IL22: variants seen among roughly 807,000 people sequenced by gnomAD.
IL22 encodes interleukin-22.
In IL22, 15 loss-of-function variants were observed where a neutral mutation model predicts 15.5. That is an observed-to-expected ratio of 0.97 (90% confidence interval 0.65 to 1.49). The LOEUF (loss-of-function observed/expected upper bound fraction) is 1.49. Among genes scored for constraint, IL22 ranks in the 40% most tolerant of loss-of-function variants. The pLI, the probability that IL22 is intolerant of heterozygous loss-of-function variation, is 0.00. For synonymous variants in IL22, 91 were observed against 82.0 expected, an observed-to-expected ratio of 1.11 and a Z score of -0.60; for missense variants, 225 against 215.4, an observed-to-expected ratio of 1.04 and a Z score of -0.28.
chr12:68,253,208 A>T, intron 2 of IL22, 55 bp downstream of exon 2: 1 of 1,466,688 alleles, frequency 6.8e-7, no homozygotes, highest in Non-Finnish European at 9.4e-7. Flanking sequence ...AAAGTTTAAG[A>T]ACTATTTGGA....
At position 68,248,729 on chromosome 12, in the gene IL22, T is replaced by C; in HGVS notation, c.*70A>G. The C allele has an allele frequency of 7.7e-7, 1 of 1,292,786 alleles. No homozygotes were observed. Among genetic ancestry groups the C allele is most frequent in the East Asian group, 2.4e-5 (1 of 42,522 alleles). 80.1% of individuals were successfully genotyped at this position (1,292,786 alleles called of 1,614,324 possible). On this transcript the variant is annotated 3_prime_UTR_variant, in exon 6 of 6. Transcript: ENST00000538666. ...CTTCCTTTTGGTTAAAAAAAATCGCTTTGGGGCATCTAATTGTTATTTCTA... is the reference window on the plus strand; with the variant it reads ...CTTCCTTTTGGTTAAAAAAAATCGCCTTGGGGCATCTAATTGTTATTTCTA...
At position 68,253,315 on chromosome 12, in the gene IL22, G is replaced by A. The variant is rs775833452; in HGVS notation, c.134C>T (p.Ser45Phe). The A allele has an allele frequency of 6.2e-7, 1 of 1,613,848 alleles. No individual in the cohort carries two copies. Reference protein sequence around the residue: ...PISSHCRLDKSNFQQPYITNR... With the variant: ...PISSHCRLDKFNFQQPYITNR... The stretch of plus-strand genomic sequence containing the variant: ...GGTGATATAGGGCTGCTGGAAGTTG[G>A]ACTTGTCAAGCCTGCAGTGGGAGCT... Residue 45 changes from serine to phenylalanine, a missense_variant, in exon 2 of 6, where the codon TCC becomes TTC. Physicochemically the swap from Ser to Phe is radical, Grantham distance 155 (BLOSUM62 -2). Coordinates refer to ENST00000538666, the MANE Select transcript of IL22 (RefSeq NM_020525.5).
At chr12:68,251,384 C>T (rs1334018683) in intron 5 of IL22, 129 bp downstream of exon 5, 1 of 712,934 alleles carries the variant, frequency 1.4e-6, no homozygotes, top group South Asian at 1.6e-5. Flanking sequence ...ACACAGACAC[C>T]AAAGTAATCG....
At chr12:68,249,347 A>T (rs753050010) in intron 5 of IL22, among the ~76,000 whole-genome samples, 20 of 152,224 alleles carry the variant, frequency 1.3e-4, no homozygotes, top group Non-Finnish European at 2.8e-4. Context: ...AAATTCATAA[A>T]CTTTCTTAAA....
In IL22 at chr12:68,248,580, T is replaced by C; in HGVS notation, c.*219A>G. On this transcript the variant is annotated 3_prime_UTR_variant, in exon 6 of 6. Transcript: ENST00000538666. ...ACCAGTTACAATGAAATGTTATCAA[T>C]AAATATCTATGCTTAGAAAGTCTAC... 2 of 452,774 alleles carry C rather than the reference T, an allele frequency of 4.4e-6. No homozygotes were observed. The highest frequency in any genetic ancestry group is 7.8e-6 in the Non-Finnish European group (2 of 255,550). 28.0% of individuals were successfully genotyped at this position (452,774 alleles called of 1,614,324 possible).
In IL22 at chr12:68,253,473, C is replaced by G; in HGVS notation, c.-25G>C. 2.6e-6 allele frequency: 4 copies of G among 1,529,104 alleles called. No individual in the cohort carries two copies. The highest frequency in any genetic ancestry group is 3.5e-6 in the Non-Finnish European group (4 of 1,130,960). The allele number at this position is 1,529,104 out of a possible 1,614,324, so 94.7% of individuals were successfully genotyped here. On this transcript the variant is annotated 5_prime_UTR_variant, in exon 2 of 6. Coordinates refer to ENST00000538666, the MANE Select transcript of IL22 (RefSeq NM_020525.5). ...TTGCAGACAATTCTAACTCGAGCAA[C>G]TGGTGACTGGGGAAGGAGAACCTGG...
At chr12:68,249,176 A>T (rs1471685168) in intron 5 of IL22, among the ~76,000 whole-genome samples, 1 of 152,148 alleles carries the variant, frequency 6.6e-6, no homozygotes, top group Non-Finnish European at 1.5e-5. Flanking sequence ...AGGAGACTGA[A>T]GTGAGGCTGG....
intron 5 of IL22, among the ~76,000 whole-genome samples, chr12:68,249,223 G>T (rs1869843051): frequency 6.6e-6 from 1 of 152,126 alleles, no homozygotes. Context: ...ATTATGCCTT[G>T]GCCTGTTTTG....
rs372148839 is a variant in IL22 at position 68,251,495 on chromosome 12, G to A, written c.462+18C>T. On this transcript the variant is annotated intron_variant, in intron 5 of 5. Transcript: ENST00000538666. ...CTCTCCTATTGCATGACTTAGCATT[G>A]ACAGTTATCAGTCCTACCTTTTTCA... 2.9e-4 allele frequency: 458 copies of A among 1,567,488 alleles called. 1 individual carries two copies. The highest frequency in any genetic ancestry group is 3.9e-4 in the Non-Finnish European group (443 of 1,137,654).
At chr12:68,251,263 C>T (rs893416168) in intron 5 of IL22, among the ~76,000 whole-genome samples, 7 of 152,040 alleles carry the variant, frequency 4.6e-5, no homozygotes, top group South Asian at 2.1e-4. Context: ...ACTGACCATC[C>T]CCAGAATCTG....
chr12:68,251,657 A>G, intron 4 of IL22, 79 bp from the exon 5 acceptor site: 2 of 1,030,200 alleles, frequency 1.9e-6, no homozygotes, highest in South Asian at 1.3e-5. Flanking sequence ...GAGGTACAGT[A>G]CAATTCACCT....
At position 68,253,473 on chromosome 12, in the gene IL22, C is replaced by A; in HGVS notation, c.-25G>T. ...TTGCAGACAATTCTAACTCGAGCAA[C>A]TGGTGACTGGGGAAGGAGAACCTGG... On this transcript the variant is annotated 5_prime_UTR_variant, in exon 2 of 6. Coordinates refer to ENST00000538666, the MANE Select transcript of IL22 (RefSeq NM_020525.5). The A allele has an allele frequency of 6.5e-7, 1 of 1,529,102 alleles. No individual in the cohort carries two copies. Among genetic ancestry groups the A allele is most frequent in the Non-Finnish European group, 8.8e-7 (1 of 1,130,960 alleles). 94.7% of individuals were successfully genotyped at this position (1,529,102 alleles called of 1,614,324 possible). A position where few individuals can be genotyped will look rare whatever the true frequency, so the allele number is the denominator to read the frequency against.
intron 4 of IL22, 94 bp downstream of exon 4, chr12:68,252,410 G>A (rs1869962417): frequency 7.9e-7 from 1 of 1,257,950 alleles, no homozygotes; most frequent in Non-Finnish European, 1.1e-6. Context: ...TGCTAGCTTA[G>A]GGGTAGGGGG....
chr12:68,251,123 C>T (rs889132350), intron 5 of IL22, among the ~76,000 whole-genome samples: 1 of 152,138 alleles, frequency 6.6e-6, no homozygotes, highest in Non-Finnish European at 1.5e-5. Context: ...AGTACTTCTT[C>T]AGATTACATG....
intron 5 of IL22, among the ~76,000 whole-genome samples, chr12:68,249,704 C>T (rs575854591): frequency 4.6e-5 from 7 of 152,200 alleles, no homozygotes; most frequent in Non-Finnish European, 7.4e-5. Context: ...GGATCCCAAA[C>T]TTAATCGAAG....
chr12:68,252,095 C>G (rs938884428), intron 4 of IL22, among the ~76,000 whole-genome samples: 15 of 152,116 alleles, frequency 9.9e-5, no homozygotes, highest in African/African-American at 3.4e-4. Flanking sequence ...GCCGACCCAC[C>G]ACCGACTTTA....
At chr12:68,249,644 A>C (rs1443507077) in intron 5 of IL22, among the ~76,000 whole-genome samples, 1 of 152,238 alleles carries the variant, frequency 6.6e-6, no homozygotes, top group Non-Finnish European at 1.5e-5. Context: ...AGAAAACCAG[A>C]TATAGGTCCT....
intron 2 of IL22, 119 bp downstream of exon 2, chr12:68,253,144 C>A: frequency 1.3e-6 from 1 of 794,900 alleles, no homozygotes; most frequent in Non-Finnish European, 1.9e-6. Context: ...GAAAATTTAT[C>A]TACCCTCAGG....
At chr12:68,251,327 T>C (rs1293166810) in intron 5 of IL22, among the ~76,000 whole-genome samples, 186 bp downstream of exon 5, 11 of 152,132 alleles carry the variant, frequency 7.2e-5, no homozygotes, top group Non-Finnish European at 1.5e-5. Flanking sequence ...ATTCTACAAT[T>C]TGCAAGATTT....
Sources: gnomAD v4.1 joint callset for allele counts (sites outside exome capture counted in the v4.1 genomes callset) on GRCh38, gnomAD v4.1.1 for gene constraint, MANE v1.5 for transcripts, NCBI Gene and HGNC (gene_info 2026-07-23, HGNC 2026-07-21) for gene names.